AMPH: variants seen among roughly 807,000 people sequenced by gnomAD.
The protein encoded by AMPH is amphiphysin (Stiff-Mann syndrome with breast cancer 128kD autoantigen).
Under a neutral mutation model 99.1 loss-of-function variants are expected in AMPH, and 49 were observed. That is an observed-to-expected ratio of 0.49 (90% CI 0.39 to 0.63). The LOEUF (loss-of-function observed/expected upper bound fraction) is 0.63, where lower values mean the gene tolerates loss of function less well. Among genes scored for constraint, AMPH ranks in the 20% least tolerant of loss-of-function variants. The pLI, the probability that AMPH is intolerant of heterozygous loss-of-function variation, is 0.00. For missense variants in AMPH, 759 were observed against 863.4 expected, an observed-to-expected ratio of 0.88 and a Z score of 1.52; for synonymous variants, 314 against 317.3, an observed-to-expected ratio of 0.99 and a Z score of 0.11.
intron 14 of AMPH, chr7:38,429,195 G>T: frequency 7.8e-7 from 1 of 1,289,680 alleles, no homozygotes; most frequent in Non-Finnish European, 1.0e-6. Context: ...TGAGTCAAGT[G>T]GGTCATACAG....
At chr7:38,543,279 C>T (rs773655949) in intron 1 of AMPH, among the ~76,000 whole-genome samples, 12 of 151,952 alleles carry the variant, frequency 7.9e-5, no homozygotes, top group Admixed American at 1.3e-4. Flanking sequence ...AATAAAAAAA[C>T]GCTGACCTGC....
intron 1 of AMPH, among the ~76,000 whole-genome samples, chr7:38,592,829 A>G (rs1214578872): frequency 6.6e-6 from 1 of 152,188 alleles, no homozygotes; most frequent in Non-Finnish European, 1.5e-5. Context: ...TCACTAATCA[A>G]TAAAGAGGAA....
intron 1 of AMPH, among the ~76,000 whole-genome samples, chr7:38,559,944 A>T (rs753798437): frequency 7.9e-5 from 12 of 152,226 alleles, no homozygotes; most frequent in Non-Finnish European, 1.5e-4. Flanking sequence ...TGAAGCACAA[A>T]GCAATATGAT....
chr7:38,414,368 T>C (rs1489367226), intron 17 of AMPH, among the ~76,000 whole-genome samples: 1 of 152,226 alleles, frequency 6.6e-6, no homozygotes, highest in Non-Finnish European at 1.5e-5. Context: ...CTTACATTTA[T>C]ATGTTCTAAA....
intron 2 of AMPH, among the ~76,000 whole-genome samples, chr7:38,504,860 G>A (rs1475744113): frequency 6.6e-6 from 1 of 152,166 alleles, no homozygotes. Context: ...ACTGAAAGTC[G>A]ATTTAAAACA....
intron 16 of AMPH, chr7:38,420,947 C>G (rs750762348): frequency 6.4e-5 from 29 of 456,428 alleles, no homozygotes; most frequent in Middle Eastern, 6.5e-4. Flanking sequence ...AACACTGGGG[C>G]GTTTTCTTGC....
At chr7:38,626,031 A>C (rs2129072508) in intron 1 of AMPH, among the ~76,000 whole-genome samples, 1 of 152,380 alleles carries the variant, frequency 6.6e-6, no homozygotes, top group East Asian at 1.9e-4. Flanking sequence ...TCTTCACCAT[A>C]CATTAAAAGA....
At chr7:38,392,086 C>A in intron 18 of AMPH, 69 bp from the exon 19 acceptor site, 2 of 1,520,676 alleles carry the variant, frequency 1.3e-6, no homozygotes, top group Admixed American at 3.7e-5. Context: ...TCCTGCACAA[C>A]CTGCCTTAGC....
intron 1 of AMPH, among the ~76,000 whole-genome samples, chr7:38,571,289 ATTTATATAT>A (rs1435416064): frequency 0.017 from 806 of 47,610 alleles, 12 homozygotes; most frequent in Middle Eastern, 0.12. Context: ...TTTTATATAT[ATTTATATAT>A]GAATATATAT....
intron 2 of AMPH, among the ~76,000 whole-genome samples, chr7:38,506,888 T>C (rs1789345477): frequency 6.6e-6 from 1 of 152,198 alleles, no homozygotes; most frequent in African/African-American, 2.4e-5. Context: ...TCATGGTCCT[T>C]CCATGGAAAT....
At chr7:38,427,056 A>G (rs1785805011) in intron 14 of AMPH, 70 bp from the exon 15 acceptor site, 1 of 1,385,470 alleles carries the variant, frequency 7.2e-7, no homozygotes, top group East Asian at 2.3e-5. Flanking sequence ...GTAAATATCC[A>G]TTAGACAAGT....
intron 7 of AMPH, among the ~76,000 whole-genome samples, chr7:38,474,584 T>C (rs1184295838): frequency 6.6e-6 from 1 of 152,202 alleles, no homozygotes; most frequent in Non-Finnish European, 1.5e-5. Flanking sequence ...CAAATCCATC[T>C]AGTTGGAAGT....
chr7:38,586,700 AC>A (rs566221219), intron 1 of AMPH, among the ~76,000 whole-genome samples: 101 of 152,344 alleles, frequency 6.6e-4, no homozygotes, highest in Non-Finnish European at 1.2e-3. Context: ...ATTCGGCCAC[AC>A]CAAGTAGGGG....
chr7:38,609,989 C>T (rs1793569732), intron 1 of AMPH, among the ~76,000 whole-genome samples: 1 of 151,348 alleles, frequency 6.6e-6, no homozygotes, highest in African/African-American at 2.4e-5. Context: ...CTGAGGGATC[C>T]CACCTGTAAA....
chr7:38,448,934 T>C (rs1317980253), intron 11 of AMPH, among the ~76,000 whole-genome samples: 2 of 152,214 alleles, frequency 1.3e-5, no homozygotes, highest in African/African-American at 4.8e-5. Flanking sequence ...AAATCATTCC[T>C]AGTGTAGCAC....
At chr7:38,406,246 T>G (rs746944726) in intron 17 of AMPH, among the ~76,000 whole-genome samples, 1 of 152,132 alleles carries the variant, frequency 6.6e-6, no homozygotes, top group Non-Finnish European at 1.5e-5. Context: ...ACTGTTAAAA[T>G]ACTTACATCA....
Position 38,478,387 on chromosome 7 carries a change from C to T in AMPH, c.397-1418G>A, listed in dbSNP as rs116109292. Among the ~76,000 whole-genome samples, 331 of 152,216 alleles carry T rather than the reference C, an allele frequency of 2.2e-3. 1 individual carries two copies. The highest frequency in any genetic ancestry group is 7.5e-3 in the African/African-American group (312 of 41,534). ...CAATTCTGGAGGAATTTGAAAGCTG[C>T]GGTGCACTGAAGTAACAATAGCAAA... is the stretch of plus-strand genomic sequence containing the variant. On this transcript the variant is annotated intron_variant, in intron 5 of 20. Transcript: ENST00000356264.
intron 1 of AMPH, among the ~76,000 whole-genome samples, chr7:38,608,662 AT>A (rs1381927513): frequency 3.3e-5 from 5 of 152,188 alleles, no homozygotes; most frequent in African/African-American, 1.2e-4. Flanking sequence ...CCAATAATCA[AT>A]ACTGACATCA....
At chr7:38,535,198 A>AG (rs1325922612) in intron 1 of AMPH, among the ~76,000 whole-genome samples, 187 bp from the exon 2 acceptor site, 1 of 151,870 alleles carries the variant, frequency 6.6e-6, no homozygotes, top group Non-Finnish European at 1.5e-5. Context: ...AAAAAAAAAA[A>AG]CTGAATCCCA....
Sources: gnomAD v4.1 joint callset for allele counts (sites outside exome capture counted in the v4.1 genomes callset) on GRCh38, gnomAD v4.1.1 for gene constraint, MANE v1.5 for transcripts, NCBI Gene and HGNC (gene_info 2026-07-23, HGNC 2026-07-21) for gene names.